Variants in RERE observed in about 807,000 individuals in gnomAD.
RERE encodes the protein arginine-glutamic acid dipeptide repeats.
Under a neutral mutation model 146.1 loss-of-function variants are expected in RERE, and 40 were observed. That is an observed-to-expected ratio of 0.27 (90% CI 0.21 to 0.36). The LOEUF (loss-of-function observed/expected upper bound fraction) is 0.36, where lower values mean the gene tolerates loss of function less well. RERE is among the 10% of genes least tolerant of loss of function. RERE has a pLI of 1.00. For synonymous variants in RERE, 1,003 were observed against 866.0 expected (o/e 1.16, Z -2.78); for missense variants, 1,933 against 2,138.7 (o/e 0.90, Z 1.90).
intron 12 of RERE, among the ~76,000 whole-genome samples, chr1:8,377,571 A>C (rs1445635739): frequency 6.6e-6 from 1 of 152,054 alleles, no homozygotes; most frequent in African/African-American, 2.4e-5. Flanking sequence ...GATGTTTTCT[A>C]CCAGCAAAGG....
intron 1 of RERE, among the ~76,000 whole-genome samples, chr1:8,787,349 C>CTG (rs1641277067): frequency 6.6e-6 from 1 of 152,222 alleles, no homozygotes; most frequent in Non-Finnish European, 1.5e-5. Context: ...TCCGTACACC[C>CTG]TGTCAGTGTC....
intron 4 of RERE, among the ~76,000 whole-genome samples, chr1:8,583,409 T>C (rs1463811793): frequency 6.6e-6 from 1 of 152,140 alleles, no homozygotes; most frequent in East Asian, 1.9e-4. Context: ...ATCAATGAGA[T>C]ATGGGATACA....
chr1:8,422,777 C>T lies in RERE; in HGVS notation c.1234G>A (p.Gly412Arg), dbSNP rs1362926459. 1 of 1,613,896 alleles carries T rather than the reference C, an allele frequency of 6.2e-7. No homozygotes were observed. Among genetic ancestry groups the T allele is most frequent in the Non-Finnish European group, 8.5e-7 (1 of 1,179,862 alleles). Residue 412 changes from glycine (G) to arginine (R), a missense_variant, in exon 12 of 23, where the codon GGG (glycine) becomes AGG (arginine). Physicochemically the swap from Gly to Arg is moderately radical, Grantham distance 125. Coordinates refer to ENST00000400908, the MANE Select transcript of RERE (RefSeq NM_001042681.2). The stretch of plus-strand genomic sequence containing the variant: ...TTTCTAATTCTGAAGAAGTTCTTCC[C>T]GTACTGCCTGAGTCCCTTAACGAAG... ...KRFVKGLRQY[G>R]KNFFRIRKEL...
rs575441905 is a variant in RERE at position 8,771,737 on chromosome 1, C to T, written c.-145+45423G>A. Among the ~76,000 whole-genome samples, 70 of 151,634 alleles carry T rather than the reference C, an allele frequency of 4.6e-4. 1 individual carries two copies. Among genetic ancestry groups the T allele is most frequent in the African/African-American group, 1.6e-3 (68 of 41,378 alleles). On this transcript the variant is annotated intron_variant, in intron 1 of 22. Coordinates refer to ENST00000400908, the MANE Select transcript of RERE (RefSeq NM_001042681.2). The stretch of plus-strand genomic sequence containing the variant: ...CATCCTGGCTAACAAGGTGAAGCCC[C>T]GTCTCTACTAAAAATACAAAAAATT...
intron 3 of RERE, among the ~76,000 whole-genome samples, chr1:8,615,250 G>C (rs1289308303): frequency 6.6e-6 from 1 of 152,096 alleles, no homozygotes; most frequent in Non-Finnish European, 1.5e-5. Flanking sequence ...CCAAAACAGA[G>C]GGAAAAAGAC....
chr1:8,674,425 A>C (rs1208378110), intron 1 of RERE, among the ~76,000 whole-genome samples: 1 of 152,224 alleles, frequency 6.6e-6, no homozygotes, highest in Non-Finnish European at 1.5e-5. Context: ...AAATAACTGA[A>C]TAGGATCACA....
intron 1 of RERE, among the ~76,000 whole-genome samples, chr1:8,809,059 A>T (rs1423243565): frequency 6.6e-6 from 1 of 150,754 alleles, no homozygotes; most frequent in Non-Finnish European, 1.5e-5. Flanking sequence ...AATGGTGTGA[A>T]CCCGGGAGGC....
At chr1:8,393,538 G>T (rs1176541025) in intron 12 of RERE, among the ~76,000 whole-genome samples, 1 of 152,134 alleles carries the variant, frequency 6.6e-6, no homozygotes, top group Non-Finnish European at 1.5e-5. Flanking sequence ...AATGGGGTTG[G>T]TTTTCTAACA....
intron 12 of RERE, among the ~76,000 whole-genome samples, chr1:8,420,310 A>G (rs1557623170): frequency 1.3e-5 from 2 of 151,896 alleles, no homozygotes; most frequent in Non-Finnish European, 2.9e-5. Flanking sequence ...GAGAGAGAGA[A>G]AGAGAGAGAG....
At chr1:8,577,859 C>G (rs889329991) in intron 4 of RERE, among the ~76,000 whole-genome samples, 2 of 152,104 alleles carry the variant, frequency 1.3e-5, no homozygotes, top group Admixed American at 1.3e-4. Flanking sequence ...CTTGGGAGGC[C>G]GAGATGGGCG....
chr1:8,356,173 C>A lies in RERE; in HGVS notation c.4413G>T (p.Pro1471=), dbSNP rs145740916. 1.3e-6 allele frequency: 2 copies of A among 1,520,022 alleles called. No homozygotes were observed. Among genetic ancestry groups the A allele is most frequent in the East Asian group, 5.3e-5 (2 of 37,530 alleles). The allele number at this position is 1,520,022 out of a possible 1,614,324, so 94.2% of individuals were successfully genotyped here. ...GCAGAGGGTTGGGGAGAGTGCCAGG[C>A]GGGTAGGGGAAGCGAGCCAGGTGGG... The part of the protein sequence containing the change: ...AGPHLARFPY[P]PGTLPNPLLG... The change falls in exon 21 of 23, where the codon CCG becomes CCT. Residue 1471 remains proline (P), a synonymous_variant. Coordinates refer to ENST00000400908, the MANE Select transcript of RERE (RefSeq NM_001042681.2). The surrounding 1 kb of genome is among the most constrained non-coding windows in gnomAD (Gnocchi z 5.2).
chr1:8,805,835 A>ATTGTTTTGTTTT (rs1641680622), intron 1 of RERE: 1 of 145,346 alleles, frequency 6.9e-6, no homozygotes, highest in African/African-American at 2.6e-5. Flanking sequence ...CACAAAACAA[A>ATTGTTTTGTTTT]ACAACCTTCT....
rs771499763 is a variant in RERE at position 8,356,271 on chromosome 1, T to A, written c.4340-25A>T. The A allele has an allele frequency of 6.6e-7, 1 of 1,506,960 alleles. No individual in the cohort carries two copies. The allele number at this position is 1,506,960 out of a possible 1,614,324, so 93.3% of individuals were successfully genotyped here. On this transcript the variant is annotated intron_variant, in intron 20 of 22. Transcript: ENST00000400908. This position sits in a 1 kb window ranked among gnomAD's most constrained non-coding sequence, Gnocchi z 5.2. ...CCTAAGGAAAGGACAAAACGCCAGA[T>A]GGAGGCGGTGTGCAGCTCTTCAATG...
chr1:8,783,802 G>A (rs1641211098), intron 1 of RERE, among the ~76,000 whole-genome samples: 1 of 152,116 alleles, frequency 6.6e-6, no homozygotes, highest in African/African-American at 2.4e-5. Context: ...CCTTACCGGT[G>A]AACATCTACC....
intron 17 of RERE, 25 bp from the exon 18 acceptor site, chr1:8,361,515 G>T: frequency 1.9e-6 from 3 of 1,606,204 alleles, no homozygotes; most frequent in Non-Finnish European, 2.5e-6. Context: ...GGGAAGGATG[G>T]AAGTCCCAGG....
intron 11 of RERE, among the ~76,000 whole-genome samples, chr1:8,427,095 A>G (rs966222177): frequency 3.9e-5 from 6 of 152,016 alleles, no homozygotes; most frequent in African/African-American, 1.5e-4. Flanking sequence ...GCCTCAAGCA[A>G]TCCTCCCGCT....
At chr1:8,731,332 T>C (rs1299388598) in intron 1 of RERE, among the ~76,000 whole-genome samples, 3 of 152,070 alleles carry the variant, frequency 2.0e-5, no homozygotes, top group Non-Finnish European at 2.9e-5. Flanking sequence ...CATTTTGCAA[T>C]TGCTCAGAGC....
chr1:8,669,233 A>C (rs1279215901), intron 1 of RERE, among the ~76,000 whole-genome samples: 1 of 151,360 alleles, frequency 6.6e-6, no homozygotes, highest in African/African-American at 2.4e-5. Flanking sequence ...ATGCCACCAC[A>C]CCCGGCTAAT....
chr1:8,391,718 C>T (rs989882384), intron 12 of RERE, among the ~76,000 whole-genome samples: 4 of 152,120 alleles, frequency 2.6e-5, no homozygotes, highest in African/African-American at 9.7e-5. Flanking sequence ...TAATTATTCA[C>T]CTAATCTGTC....
Sources: gnomAD v4.1 joint callset for allele counts (sites outside exome capture counted in the v4.1 genomes callset) on GRCh38, gnomAD v4.1.1 for gene constraint, Gnocchi (gnomAD v3.1) non-coding constraint, MANE v1.5 for transcripts, NCBI Gene and HGNC (gene_info 2026-07-23, HGNC 2026-07-21) for gene names.